LINGO2: variants seen among roughly 807,000 people sequenced by gnomAD.
LINGO2 encodes leucine-rich repeat and immunoglobulin-like domain-containing nogo receptor-interacting protein 2.
LINGO2 carries 14 observed loss-of-function variants against 30.6 expected under a neutral mutation model. The observed-to-expected ratio is 0.46, with a 90% CI of 0.30 to 0.72. The LOEUF (loss-of-function observed/expected upper bound fraction) is 0.72, where lower values mean the gene tolerates loss of function less well. Ranked by LOEUF, LINGO2 falls within the 30% of genes least tolerant of loss-of-function variation. LINGO2 has a pLI of 0.07. For missense variants in LINGO2, 729 were observed against 751.7 expected (o/e 0.97, Z 0.35); for synonymous variants, 317 against 288.5 (o/e 1.10, Z -1.00).
chr9:28,968,103 T>A, the LINGO2 span, among the ~76,000 whole-genome samples: 1 of 152,122 alleles, frequency 6.6e-6, no homozygotes, highest in African/African-American at 2.4e-5. Context: ...AATGGACTAA[T>A]GAAATCACTA....
chr9:28,764,632 G>A, the LINGO2 span, among the ~76,000 whole-genome samples: 2 of 151,704 alleles, frequency 1.3e-5, no homozygotes, highest in Non-Finnish European at 2.9e-5. Context: ...ATTCAATATA[G>A]TACTGGAAAT....
chr9:28,551,830 G>A (rs777668862), intron 1 of LINGO2, among the ~76,000 whole-genome samples: 5 of 151,986 alleles, frequency 3.3e-5, no homozygotes, highest in Non-Finnish European at 5.9e-5. Context: ...TCTGACACAC[G>A]TGTGTCCTCA....
At chr9:28,691,374 A>C in the LINGO2 span, among the ~76,000 whole-genome samples, 1 of 152,182 alleles carries the variant, frequency 6.6e-6, no homozygotes, top group Non-Finnish European at 1.5e-5. Flanking sequence ...AAACAAAACT[A>C]TTCACAGAAT....
At chr9:28,356,172 G>T (rs1435697317) in intron 3 of LINGO2, among the ~76,000 whole-genome samples, 3 of 152,030 alleles carry the variant, frequency 2.0e-5, no homozygotes, top group Non-Finnish European at 4.4e-5. Flanking sequence ...TTTGCTTCTG[G>T]CTATTATAAA....
At chr9:28,469,176 T>A (rs555302676) in intron 2 of LINGO2, among the ~76,000 whole-genome samples, 27 of 151,566 alleles carry the variant, frequency 1.8e-4, no homozygotes, top group African/African-American at 6.3e-4. Context: ...GAAAATTCAC[T>A]AGAGTTGTTC....
chr9:28,923,164 T>A, the LINGO2 span, among the ~76,000 whole-genome samples: 1 of 152,316 alleles, frequency 6.6e-6, no homozygotes, highest in South Asian at 2.1e-4. Flanking sequence ...CCGGGAAAAC[T>A]GATTTTCAGC....
At chr9:28,931,216 G>T in the LINGO2 span, among the ~76,000 whole-genome samples, 1 of 152,288 alleles carries the variant, frequency 6.6e-6, no homozygotes, top group African/African-American at 2.4e-5. Context: ...CATCATTTCA[G>T]ATTAAATGAC....
In LINGO2 at chr9:28,329,464, G is replaced by C. The variant is rs988990968; in HGVS notation, c.-245-34098C>G. Among the ~76,000 whole-genome samples the C allele has an allele frequency of 3.3e-5, 5 of 152,048 alleles. No individual in the cohort carries two copies. Among genetic ancestry groups the C allele is most frequent in the Admixed American group, 1.3e-4 (2 of 15,262 alleles). ...CTCTTCGGCCAAGTCATTATTTCTT[G>C]TCATGTATATACAAGTTTTGCTCCT... On this transcript the variant is annotated intron_variant, in intron 3 of 5. Coordinates refer to ENST00000379992, the Ensembl canonical transcript of LINGO2. This position sits in a 1 kb window ranked among gnomAD's most constrained non-coding sequence, Gnocchi z 4.5.
At chr9:28,033,143 T>A (rs1823764634) in intron 4 of LINGO2, among the ~76,000 whole-genome samples, 1 of 152,252 alleles carries the variant, frequency 6.6e-6, no homozygotes, top group African/African-American at 2.4e-5. Flanking sequence ...TAGTTGCGTA[T>A]GTGAATTGTG....
chr9:28,947,551 C>A, the LINGO2 span, among the ~76,000 whole-genome samples: 10 of 152,038 alleles, frequency 6.6e-5, no homozygotes, highest in South Asian at 1.9e-3. Flanking sequence ...CTATTGTGCC[C>A]TACTCCACTT....
At chr9:28,947,101 AT>A in the LINGO2 span, among the ~76,000 whole-genome samples, 1 of 152,096 alleles carries the variant, frequency 6.6e-6, no homozygotes, top group Non-Finnish European at 1.5e-5. Context: ...TATGTAAAAA[AT>A]ATATATCTAT....
At chr9:28,459,118 T>G (rs558330501) in intron 2 of LINGO2, among the ~76,000 whole-genome samples, 11 of 152,252 alleles carry the variant, frequency 7.2e-5, no homozygotes, top group African/African-American at 2.2e-4. Context: ...TATTTTACAT[T>G]AATTTGCAAA....
chr9:28,847,364 A>C, the LINGO2 span, among the ~76,000 whole-genome samples: 1 of 147,884 alleles, frequency 6.8e-6, no homozygotes, highest in Non-Finnish European at 1.5e-5. Context: ...ATTTTTTTTC[A>C]ATTCAGTCAG....
intron 2 of LINGO2, among the ~76,000 whole-genome samples, chr9:28,387,788 G>A (rs1821653259): frequency 6.6e-6 from 1 of 152,094 alleles, no homozygotes; most frequent in African/African-American, 2.4e-5. Flanking sequence ...TTTATGAACT[G>A]TAACACTCAC....
intron 4 of LINGO2, among the ~76,000 whole-genome samples, chr9:28,023,741 C>T (rs7030002): frequency 0.69 from 104,841 of 152,014 alleles, 37,029 homozygotes; most frequent in Admixed American, 0.8. Context: ...CTTCTTCTCC[C>T]CTGCCAAAGC....
At chr9:28,925,489 A>G in the LINGO2 span, among the ~76,000 whole-genome samples, 2 of 152,340 alleles carry the variant, frequency 1.3e-5, no homozygotes, top group South Asian at 2.1e-4. Context: ...GTAATACCCC[A>G]TGCAAACTGT....
intron 1 of LINGO2, among the ~76,000 whole-genome samples, chr9:28,478,424 G>A (rs1428313040): frequency 6.6e-6 from 1 of 151,832 alleles, no homozygotes; most frequent in Non-Finnish European, 1.5e-5. Flanking sequence ...TCATCAAACT[G>A]CAGATTTTTC....
the LINGO2 span, among the ~76,000 whole-genome samples, chr9:29,057,749 C>G: frequency 6.6e-6 from 1 of 152,050 alleles, no homozygotes; most frequent in Non-Finnish European, 1.5e-5. Flanking sequence ...GGCTTCGGAT[C>G]GAAAGCAACT....
chr9:29,173,774 C>T, the LINGO2 span, among the ~76,000 whole-genome samples: 1 of 152,010 alleles, frequency 6.6e-6, no homozygotes, highest in Non-Finnish European at 1.5e-5. Context: ...AGGGCCTATA[C>T]ATATTTGTGA....
Sources: allele counts gnomAD v4.1 joint callset (sites outside exome capture counted in the v4.1 genomes callset), GRCh38; gene constraint gnomAD v4.1.1; non-coding constraint Gnocchi (gnomAD v3.1); transcripts MANE v1.5; gene names NCBI Gene and HGNC (gene_info 2026-07-23, HGNC 2026-07-21).